Variants in ERBB4 observed in about 807,000 individuals in gnomAD.
The protein encoded by ERBB4 is receptor tyrosine-protein kinase erbB-4.
ERBB4 carries 42 observed loss-of-function variants against 158.0 expected under a neutral mutation model. The ratio of observed to expected loss-of-function variants is 0.27; its 90% CI spans 0.21 to 0.34. ERBB4 has a LOEUF of 0.34. Among genes scored for constraint, ERBB4 ranks in the 10% least tolerant of loss-of-function variants. ERBB4 has a pLI of 1.00. For missense variants in ERBB4, 1,333 were observed against 1,624.1 expected (o/e 0.82, Z 3.08); for synonymous variants, 583 against 558.7 (o/e 1.04, Z -0.61).
intron 1 of ERBB4, among the ~76,000 whole-genome samples, chr2:212,467,610 T>G (rs566649363): frequency 1.3e-4 from 20 of 152,302 alleles, no homozygotes; most frequent in African/African-American, 4.8e-4. Context: ...AGAAGATGTA[T>G]GGAAATGCCT....
At chr2:212,014,312 A>G (rs1009714725) in intron 2 of ERBB4, among the ~76,000 whole-genome samples, 1 of 152,236 alleles carries the variant, frequency 6.6e-6, no homozygotes, top group Non-Finnish European at 1.5e-5. Flanking sequence ...AGTTTTAAGG[A>G]CAACTCCATT....
intron 3 of ERBB4, among the ~76,000 whole-genome samples, chr2:211,864,227 G>A (rs1476312986): frequency 6.6e-6 from 1 of 152,172 alleles, no homozygotes; most frequent in Admixed American, 6.5e-5. Flanking sequence ...GGATGCTGCT[G>A]CTGTTGCTAT....
intron 1 of ERBB4, among the ~76,000 whole-genome samples, chr2:212,205,926 TC>T (rs2082732828): frequency 6.6e-6 from 1 of 152,178 alleles, no homozygotes; most frequent in Non-Finnish European, 1.5e-5. Context: ...AATCTTAACA[TC>T]CAAAAAGTAA....
chr2:212,070,697 T>TG (rs2078088170), intron 2 of ERBB4, among the ~76,000 whole-genome samples: 1 of 149,586 alleles, frequency 6.7e-6, no homozygotes, highest in African/African-American at 2.4e-5. Flanking sequence ...TAACTCCAAG[T>TG]GGATCAAAGA....
chr2:212,007,077 A>G (rs1265984190), intron 2 of ERBB4, among the ~76,000 whole-genome samples: 1 of 152,020 alleles, frequency 6.6e-6, no homozygotes. Flanking sequence ...ATAAGTAGTA[A>G]TCAACATTTA....
intron 5 of ERBB4, among the ~76,000 whole-genome samples, chr2:211,740,073 A>G (rs1340942600): frequency 6.6e-6 from 1 of 152,148 alleles, no homozygotes; most frequent in East Asian, 1.9e-4. Flanking sequence ...CATACTTCTT[A>G]AATACATATA....
chr2:211,757,250 A>G (rs1029824951), intron 4 of ERBB4, among the ~76,000 whole-genome samples: 3 of 152,194 alleles, frequency 2.0e-5, no homozygotes, highest in Admixed American at 6.5e-5. Context: ...CTTAATTTGA[A>G]AACTAAGTAT....
At chr2:211,809,354 C>A (rs1055424412) in intron 3 of ERBB4, among the ~76,000 whole-genome samples, 1 of 152,122 alleles carries the variant, frequency 6.6e-6, no homozygotes, top group African/African-American at 2.4e-5. Flanking sequence ...TTAATTATTG[C>A]CTTAATTTCA....
chr2:211,574,891 T>G (rs925456995), intron 19 of ERBB4, among the ~76,000 whole-genome samples: 2 of 152,212 alleles, frequency 1.3e-5, no homozygotes, highest in Non-Finnish European at 2.9e-5. Context: ...TATTAAAGAA[T>G]TCTACCAGAG....
intron 1 of ERBB4, among the ~76,000 whole-genome samples, chr2:212,441,934 G>A (rs2092263226): frequency 6.6e-6 from 1 of 152,184 alleles, no homozygotes; most frequent in Non-Finnish European, 1.5e-5. Context: ...ATCGGTGAGG[G>A]CAGCACCTGC....
intron 2 of ERBB4, among the ~76,000 whole-genome samples, chr2:211,973,812 C>G (rs2081528043): frequency 6.6e-6 from 1 of 152,046 alleles, no homozygotes; most frequent in Admixed American, 6.6e-5. Context: ...TGCACAATAG[C>G]AAAGACATGG....
intron 16 of ERBB4, among the ~76,000 whole-genome samples, chr2:211,645,707 T>G (rs1337192586): frequency 6.6e-6 from 1 of 151,722 alleles, no homozygotes; most frequent in Non-Finnish European, 1.5e-5. Flanking sequence ...TGTCTAATTT[T>G]AGAAAGGTAT....
At chr2:212,276,463 A>G (rs2085540156) in intron 1 of ERBB4, among the ~76,000 whole-genome samples, 1 of 151,732 alleles carries the variant, frequency 6.6e-6, no homozygotes, top group Non-Finnish European at 1.5e-5. Flanking sequence ...AGATTAGGTA[A>G]TTAAACAGTC....
At chr2:212,293,570 G>A (rs563180741) in intron 1 of ERBB4, among the ~76,000 whole-genome samples, 2 of 152,056 alleles carry the variant, frequency 1.3e-5, no homozygotes, top group Admixed American at 6.6e-5. Flanking sequence ...CATATTGGCC[G>A]GGCATGGTGG....
At chr2:211,396,331 T>G (rs551852337) in intron 25 of ERBB4, among the ~76,000 whole-genome samples, 15 of 152,288 alleles carry the variant, frequency 9.8e-5, no homozygotes, top group African/African-American at 3.4e-4. Flanking sequence ...TTTGTTTTTC[T>G]TATGTTTCAC....
At position 211,665,328 on chromosome 2, in the gene ERBB4, G is replaced by T. The variant is rs2105918452; in HGVS notation, c.1866C>A (p.Thr622=). Residue 622 remains threonine, a synonymous_variant, in exon 15 of 28, where the codon ACC becomes ACA. Transcript: ENST00000342788. ...RECHPCHPNC[T]QGCNGPTSHD... ...TGGCCAGCAAGAATGCTTACCCTTG[G>T]GTGCAGTTTGGATGGCATGGGTGGC... 3 of 1,614,010 alleles carry T rather than the reference G, an allele frequency of 1.9e-6. No individual in the cohort carries two copies. The highest frequency in any genetic ancestry group is 2.5e-6 in the Non-Finnish European group (3 of 1,179,986).
At chr2:212,185,012 CT>C (rs558105806) in intron 1 of ERBB4, among the ~76,000 whole-genome samples, 48 of 139,948 alleles carry the variant, frequency 3.4e-4, no homozygotes, top group African/African-American at 1.3e-3. Flanking sequence ...ATCACAGTTA[CT>C]TTTTTTTCTT....
chr2:212,523,942 C>T (rs1438925981), intron 1 of ERBB4, among the ~76,000 whole-genome samples: 1 of 151,950 alleles, frequency 6.6e-6, no homozygotes, highest in East Asian at 1.9e-4. Context: ...TAACTGAAAT[C>T]TGATGCCTTA....
At chr2:212,302,191 C>A (rs781094053) in intron 1 of ERBB4, among the ~76,000 whole-genome samples, 2 of 151,414 alleles carry the variant, frequency 1.3e-5, no homozygotes, top group Non-Finnish European at 3.0e-5. Context: ...GCCAACACTA[C>A]CTTCTTCAAT....
Sources: gnomAD v4.1 joint callset for allele counts (sites outside exome capture counted in the v4.1 genomes callset) on GRCh38, gnomAD v4.1.1 for gene constraint, MANE v1.5 for transcripts, NCBI Gene and HGNC (gene_info 2026-07-23, HGNC 2026-07-21) for gene names.